PSMG2: variants seen among roughly 807,000 people sequenced by gnomAD.
PSMG2 encodes proteasome assembly chaperone 2, also known as CD40 ligand-activated specific transcript 3.
Under a neutral mutation model 31.5 loss-of-function variants are expected in PSMG2, and 21 were observed. That is an observed-to-expected ratio of 0.67 (90% CI 0.47 to 0.96). The LOEUF (loss-of-function observed/expected upper bound fraction) is 0.96, where lower values mean the gene tolerates loss of function less well. PSMG2 is among the 40% of genes least tolerant of loss of function. The pLI is 0.00. For synonymous variants in PSMG2, 120 were observed against 110.4 expected, an observed-to-expected ratio of 1.09 and a Z score of -0.54; for missense variants, 318 against 321.2, an observed-to-expected ratio of 0.99 and a Z score of 0.08.
At chr18:12,691,410 A>G in intron 1 of PSMG2, 1 of 1,608,942 alleles carries the variant, frequency 6.2e-7, no homozygotes, top group Non-Finnish European at 8.5e-7. Context: ...GAATTTGCAA[A>G]TATTCTCTCC....
upstream of PSMG2, chr18:12,699,764 C>G (rs530067824): frequency 1.1e-6 from 1 of 894,164 alleles, no homozygotes; most frequent in South Asian, 1.9e-5. Flanking sequence ...CTATCAAATA[C>G]GAAAGACTAC....
At chr18:12,706,962 T>TA (rs2040275157) in intron 2 of PSMG2, among the ~76,000 whole-genome samples, 1 of 152,096 alleles carries the variant, frequency 6.6e-6, no homozygotes, top group African/African-American at 2.4e-5. Flanking sequence ...CTTTTTTTTT[T>TA]TTATTATTTT....
intron 1 of PSMG2, 30 bp from the exon 2 acceptor site, chr18:12,706,520 A>G: frequency 6.2e-7 from 1 of 1,606,102 alleles, no homozygotes; most frequent in Non-Finnish European, 8.5e-7. Context: ...AATTTTGGTG[A>G]CTTACTGAAC....
chr18:12,694,475 G>A lies in PSMG2; in HGVS notation c.-36-12075G>A, dbSNP rs537695908. Among the ~76,000 whole-genome samples, 28 of 152,228 alleles carry A rather than the reference G, an allele frequency of 1.8e-4. No individual in the cohort carries two copies. The South Asian group carries it at 5.4e-3, about 29-fold the overall frequency. On this transcript the variant is annotated intron_variant, in intron 1 of 6. Transcript: ENST00000585331. ...ATGTGAAGGAATGAAAAAATCTGCC[G>A]ATCTTTTAAGACCCAGGAAGAAAGT...
chr18:12,706,480 C>G (rs2040269570), intron 1 of PSMG2, 70 bp from the exon 2 acceptor site: 6 of 1,525,560 alleles, frequency 3.9e-6, no homozygotes, highest in Admixed American at 1.7e-5. Flanking sequence ...GAGGCAGACT[C>G]TGTTTCAAAA....
chr18:12,702,411 G>C (rs112588451), upstream of PSMG2: 2 of 1,166,634 alleles, frequency 1.7e-6, no homozygotes, highest in African/African-American at 3.1e-5. Context: ...TGCCGCTGTC[G>C]GCCCGGGGCC....
At chr18:12,713,965 G>A (rs1311075671) in intron 3 of PSMG2, among the ~76,000 whole-genome samples, 1 of 152,022 alleles carries the variant, frequency 6.6e-6, no homozygotes, top group African/African-American at 2.4e-5. Context: ...TGGCCAGGCT[G>A]GTCTCCAACT....
rs923462196 is a variant in PSMG2, at chr18:12,724,543, C to T, written c.626C>T (p.Ser209Leu). Reference sequence around the variant, plus strand: ...ATGGCAGTTCTGCTGAAATTTGTTTCAGAAGGGGACAACATCCCAGATGCA... The same window carrying T: ...ATGGCAGTTCTGCTGAAATTTGTTTTAGAAGGGGACAACATCCCAGATGCA... Reference protein sequence around the residue: ...IQMAVLLKFVSEGDNIPDALG... With the variant: ...IQMAVLLKFVLEGDNIPDALG... The change falls in exon 6 of 7, where the codon TCA becomes TTA. Residue 209 changes from serine to leucine, a missense_variant. Ser to Leu is a moderately radical substitution (Grantham distance 145). Transcript: ENST00000317615. 1 of 1,607,974 alleles carries T rather than the reference C, an allele frequency of 6.2e-7. No homozygotes were observed.
chr18:12,683,466 A>G (rs1398440606), intron 1 of PSMG2, among the ~76,000 whole-genome samples: 3 of 151,992 alleles, frequency 2.0e-5, no homozygotes, highest in Non-Finnish European at 4.4e-5. Context: ...TATTGACTCA[A>G]GGAAACTTAA....
chr18:12,680,612 A>C (rs755324150), intron 1 of PSMG2: 58 of 1,408,822 alleles, frequency 4.1e-5, no homozygotes, highest in Non-Finnish European at 5.0e-5. Flanking sequence ...AAAAAAAAAA[A>C]AAAAACTTAT....
intron 1 of PSMG2, chr18:12,679,327 T>C (rs540180406): frequency 8.5e-5 from 13 of 152,146 alleles, no homozygotes; most frequent in Admixed American, 5.9e-4. Context: ...GTTCGAGCAA[T>C]TTGCAGTGGG....
intron 2 of PSMG2, among the ~76,000 whole-genome samples, chr18:12,711,585 C>T (rs1042540236): frequency 2.0e-5 from 3 of 152,070 alleles, no homozygotes; most frequent in Non-Finnish European, 2.9e-5. Context: ...TCACGCCAGC[C>T]ATAGGAGACA....
intron 1 of PSMG2, among the ~76,000 whole-genome samples, chr18:12,667,240 C>A (rs1020523082): frequency 6.6e-6 from 1 of 152,092 alleles, no homozygotes; most frequent in South Asian, 2.1e-4. Flanking sequence ...TGAGGAGGAT[C>A]GCTTGAGGCC....
chr18:12,703,014 C>T (rs1201525746), upstream of PSMG2: 8 of 1,430,076 alleles, frequency 5.6e-6, no homozygotes, highest in Middle Eastern at 3.8e-4. Context: ...CTCCCGCGCC[C>T]CGCGAGGCTC....
At chr18:12,706,508 C>G in intron 1 of PSMG2, 42 bp from the exon 2 acceptor site, 2 of 1,596,814 alleles carry the variant, frequency 1.3e-6, no homozygotes, top group Non-Finnish European at 1.7e-6. Context: ...TAAAGTGCTG[C>G]TAATTTTGGT....
intron 2 of PSMG2, among the ~76,000 whole-genome samples, chr18:12,709,336 G>A (rs147834520): frequency 7.3e-5 from 11 of 151,628 alleles, no homozygotes; most frequent in African/African-American, 2.4e-4. Context: ...GAGCCACCGC[G>A]CCCGATTTGA....
chr18:12,674,776 G>C, intron 1 of PSMG2: 1 of 1,474,228 alleles, frequency 6.8e-7, no homozygotes, highest in Non-Finnish European at 9.3e-7. Flanking sequence ...AAGAGAAAAA[G>C]AAAAAGTGAA....
chr18:12,673,916 G>A (rs2039024523), intron 1 of PSMG2, among the ~76,000 whole-genome samples: 1 of 152,058 alleles, frequency 6.6e-6, no homozygotes, highest in Admixed American at 6.6e-5. Context: ...TTCAAATTCT[G>A]TCTCTGCTAT....
chr18:12,687,522 C>T (rs1003403165), intron 1 of PSMG2, among the ~76,000 whole-genome samples: 5 of 140,918 alleles, frequency 3.5e-5, no homozygotes, highest in Admixed American at 7.7e-5. Context: ...AGTGTGATTT[C>T]GGCTCGCTGC....
Sources: gnomAD v4.1 joint callset for allele counts (sites outside exome capture counted in the v4.1 genomes callset) on GRCh38, gnomAD v4.1.1 for gene constraint, MANE v1.5 for transcripts, NCBI Gene and HGNC (gene_info 2026-07-23, HGNC 2026-07-21) for gene names.